Variants in NPAS3 observed in about 807,000 individuals in gnomAD.
NPAS3 encodes neuronal PAS domain-containing protein 3.
A neutral mutation model predicts 73.1 loss-of-function variants in NPAS3; 14 were observed. The ratio of observed to expected loss-of-function variants is 0.19; its 90% CI spans 0.13 to 0.30. The LOEUF (loss-of-function observed/expected upper bound fraction) is 0.30. NPAS3 is among the 10% of genes least tolerant of loss of function. NPAS3 has a pLI of 1.00. For missense variants in NPAS3, 1,096 were observed against 1,250.0 expected (o/e 0.88, Z 1.86); for synonymous variants, 620 against 541.5 (o/e 1.14, Z -2.01).
At position 33,348,336 on chromosome 14, in the gene NPAS3, G is replaced by A. The variant is rs551162285; in HGVS notation, c.386-18850G>A. On this transcript the variant is annotated intron_variant, in intron 3 of 11. Transcript: ENST00000356141. ...ATGAGGGTGAGGAGGCAGGGAGGATGGAACCTTCTTAAGCATAGGTAATTT... is the reference window on the plus strand; with the variant it reads ...ATGAGGGTGAGGAGGCAGGGAGGATAGAACCTTCTTAAGCATAGGTAATTT... Among the ~76,000 whole-genome samples the A allele has an allele frequency of 1.5e-4, 23 of 152,244 alleles. 2 individuals carry two copies. The South Asian group carries it at 3.7e-3, about 25-fold the overall frequency.
At chr14:33,664,332 C>A (rs2059392250) in intron 5 of NPAS3, among the ~76,000 whole-genome samples, 1 of 152,166 alleles carries the variant, frequency 6.6e-6, no homozygotes, top group Non-Finnish European at 1.5e-5. Flanking sequence ...AAAACTGAAA[C>A]TGGACCCTTT....
chr14:33,464,439 G>A (rs2050416019), intron 4 of NPAS3, among the ~76,000 whole-genome samples: 1 of 152,144 alleles, frequency 6.6e-6, no homozygotes, highest in African/African-American at 2.4e-5. Context: ...TGAGCACTGA[G>A]GTCCTGCCTT....
chr14:33,664,929 C>G (rs1028166477), intron 5 of NPAS3, among the ~76,000 whole-genome samples: 6 of 152,168 alleles, frequency 3.9e-5, no homozygotes, highest in Admixed American at 3.9e-4. Flanking sequence ...CTCGTTCAAC[C>G]ATTGTGGAAG....
intron 4 of NPAS3, among the ~76,000 whole-genome samples, chr14:33,558,332 C>A (rs189837816): frequency 6.6e-6 from 1 of 152,118 alleles, no homozygotes; most frequent in East Asian, 1.9e-4. Flanking sequence ...GTGATCTTGG[C>A]TTACTGCAAC....
intron 6 of NPAS3, among the ~76,000 whole-genome samples, chr14:33,677,641 T>C (rs1314790207): frequency 6.6e-6 from 1 of 151,766 alleles, no homozygotes; most frequent in Non-Finnish European, 1.5e-5. Flanking sequence ...CAACACACAT[T>C]TGACTCTTGG....
intron 3 of NPAS3, among the ~76,000 whole-genome samples, chr14:33,236,706 G>C (rs1244758729): frequency 6.6e-6 from 1 of 152,020 alleles, no homozygotes; most frequent in Non-Finnish European, 1.5e-5. Context: ...CCCAGGTCTG[G>C]CTTCGACATT....
chr14:32,950,072 C>T (rs2036422352), intron 1 of NPAS3, among the ~76,000 whole-genome samples: 1 of 151,912 alleles, frequency 6.6e-6, no homozygotes, highest in Non-Finnish European at 1.5e-5. Context: ...CTATTTCTTC[C>T]ATATGAACTT....
At chr14:32,965,834 T>C (rs1396692763) in intron 1 of NPAS3, among the ~76,000 whole-genome samples, 1 of 152,182 alleles carries the variant, frequency 6.6e-6, no homozygotes, top group Non-Finnish European at 1.5e-5. Flanking sequence ...TAAAAATAGC[T>C]GTTGGGACTA....
intron 3 of NPAS3, among the ~76,000 whole-genome samples, chr14:33,346,727 C>G (rs185170519): frequency 8.9e-4 from 136 of 152,118 alleles, no homozygotes; most frequent in Non-Finnish European, 1.6e-3. Flanking sequence ...GCCTGTATAC[C>G]CATCATGGAA....
intron 3 of NPAS3, among the ~76,000 whole-genome samples, chr14:33,350,560 G>T (rs1289396776): frequency 6.6e-6 from 1 of 152,170 alleles, no homozygotes; most frequent in South Asian, 2.1e-4. Flanking sequence ...GTTCAAGAAG[G>T]GATCACGCCT....
chr14:33,391,436 G>T (rs188493965), intron 4 of NPAS3, among the ~76,000 whole-genome samples: 1 of 151,932 alleles, frequency 6.6e-6, no homozygotes, highest in Non-Finnish European at 1.5e-5. Flanking sequence ...CAGGTGATCC[G>T]CCAGTCTTGG....
At chr14:33,016,298 T>C (rs2139677666) in intron 1 of NPAS3, among the ~76,000 whole-genome samples, 1 of 152,280 alleles carries the variant, frequency 6.6e-6, no homozygotes, top group Non-Finnish European at 1.5e-5. Flanking sequence ...CCAGTGTCTC[T>C]GTAGCACTTG....
chr14:33,228,786 A>C (rs2047734767), intron 3 of NPAS3, among the ~76,000 whole-genome samples: 1 of 152,204 alleles, frequency 6.6e-6, no homozygotes, highest in African/African-American at 2.4e-5. Flanking sequence ...AAGAGGTTTA[A>C]GCAGACAAAG....
chr14:33,185,623 C>G (rs961646755), intron 2 of NPAS3, among the ~76,000 whole-genome samples: 1 of 152,046 alleles, frequency 6.6e-6, no homozygotes, highest in African/African-American at 2.4e-5. Context: ...CTAATGTGTT[C>G]TTGAATGAAT....
At chr14:33,077,963 C>A (rs935079434) in intron 2 of NPAS3, among the ~76,000 whole-genome samples, 37 of 151,810 alleles carry the variant, frequency 2.4e-4, no homozygotes, top group African/African-American at 8.7e-4. Flanking sequence ...CATGGTGAAA[C>A]CCCGTCTCTA....
intron 3 of NPAS3, among the ~76,000 whole-genome samples, chr14:33,260,118 A>G (rs1407050127): frequency 1.3e-5 from 2 of 152,274 alleles, no homozygotes; most frequent in Admixed American, 1.3e-4. Context: ...CCCAATGGCT[A>G]ATGTCTGACT....
At chr14:33,064,633 C>T (rs1206316436) in intron 2 of NPAS3, among the ~76,000 whole-genome samples, 4 of 152,110 alleles carry the variant, frequency 2.6e-5, no homozygotes, top group African/African-American at 7.2e-5. Flanking sequence ...TGACGTTTAT[C>T]CTCTTCCCTT....
chr14:33,740,113 T>C (rs1340841586), intron 7 of NPAS3, among the ~76,000 whole-genome samples: 1 of 152,218 alleles, frequency 6.6e-6, no homozygotes, highest in Admixed American at 6.5e-5. Context: ...AGAATTTTCC[T>C]ACAGATAAAG....
chr14:33,800,034 C>T lies in NPAS3; in HGVS notation c.1727C>T (p.Thr576Met), dbSNP rs765382134. 6.2e-7 allele frequency: 1 copy of T among 1,609,484 alleles called. No homozygotes were observed. The highest frequency in any genetic ancestry group is 1.1e-5 in the South Asian group (1 of 90,908). ...CGGCTGCAGAACTGCGAGTCACTCA[C>T]GTCCGACAGCGCCAAGGACTCGGAC... Residue 576 changes from threonine (T) to methionine (M), a missense_variant, in exon 12 of 12, where the codon ACG (threonine) becomes ATG (methionine). Thr to Met is a moderately conservative substitution (Grantham distance 81). Around this residue, in one of 5 missense-constraint regions of NPAS3, gnomAD observed 698 missense variants for 676.7 expected, o/e 1.03. Coordinates refer to ENST00000356141, the Ensembl canonical transcript of NPAS3. This position sits in a 1 kb window ranked among gnomAD's most constrained non-coding sequence, Gnocchi z 6.5.
Sources: gnomAD v4.1 joint callset for allele counts (sites outside exome capture counted in the v4.1 genomes callset) on GRCh38, gnomAD v4.1.1 for gene constraint, gnomAD v4.1.1 regional missense constraint, Gnocchi (gnomAD v3.1) non-coding constraint, MANE v1.5 for transcripts, NCBI Gene and HGNC (gene_info 2026-07-23, HGNC 2026-07-21) for gene names.